Variants in SLC24A4 observed in about 807,000 individuals in gnomAD.
SLC24A4 encodes sodium/potassium/calcium exchanger 4.
SLC24A4 carries 53 observed loss-of-function variants against 79.0 expected under a neutral mutation model. That is an observed-to-expected ratio of 0.67 (90% CI 0.54 to 0.84). The LOEUF (loss-of-function observed/expected upper bound fraction) is 0.84. SLC24A4 is among the 40% of genes least tolerant of loss of function. SLC24A4 has a pLI of 0.00. For missense variants in SLC24A4, 731 were observed against 822.0 expected (o/e 0.89, Z 1.35); for synonymous variants, 323 against 323.8 (o/e 1.00, Z 0.03).
At position 92,433,937 on chromosome 14, in the gene SLC24A4, G is replaced by A; in HGVS notation, c.267G>A (p.Leu89=). Residue 89 remains leucine (L), a synonymous_variant, in exon 3 of 17, where the codon CTG becomes CTA. Coordinates refer to ENST00000532405, the MANE Select transcript of SLC24A4 (RefSeq NM_153646.4). Reference sequence around the variant, plus strand: ...CGATTCACGAGTTCCCCACAGATCTGTTCTCCAATAAGGAGCGACAGCACG... The same window carrying A: ...CGATTCACGAGTTCCCCACAGATCTATTCTCCAATAAGGAGCGACAGCACG... ...DPAIHEFPTD[L]FSNKERQHGA... 6.2e-7 allele frequency: 1 copy of A among 1,614,172 alleles called. No homozygotes were observed. Among genetic ancestry groups the A allele is most frequent in the Admixed American group, 1.7e-5 (1 of 60,034 alleles).
chr14:92,395,452 C>CACACAG (rs1555365416), intron 2 of SLC24A4, among the ~76,000 whole-genome samples: 8 of 151,952 alleles, frequency 5.3e-5, no homozygotes, highest in Admixed American at 1.3e-4. Flanking sequence ...CACACACACA[C>CACACAG]ACACACACAC....
At chr14:92,476,740 A>G (rs1429442503) in intron 12 of SLC24A4, among the ~76,000 whole-genome samples, 1 of 152,146 alleles carries the variant, frequency 6.6e-6, no homozygotes, top group Non-Finnish European at 1.5e-5. Flanking sequence ...GGCAACCACT[A>G]ATCTACTTTC....
intron 1 of SLC24A4, among the ~76,000 whole-genome samples, chr14:92,324,291 C>T (rs920156399): frequency 6.6e-6 from 1 of 152,232 alleles, no homozygotes; most frequent in Non-Finnish European, 1.5e-5. Context: ...AGGCAGGATT[C>T]TCTTGGTCTG....
rs201664039 is a variant in SLC24A4, at chr14:92,379,066, AT to A, written c.241+53089del. On this transcript the variant is annotated intron_variant, in intron 2 of 16. Coordinates refer to ENST00000532405, the MANE Select transcript of SLC24A4 (RefSeq NM_153646.4). ...AACAGTGGGAGACCCTGCCTCTAAAATCAATAAATAGCTAGCTAGCTAGCTA... is the reference window on the plus strand; with the variant it reads ...AACAGTGGGAGACCCTGCCTCTAAAACAATAAATAGCTAGCTAGCTAGCTA... Among the ~76,000 whole-genome samples, 997 of 152,278 alleles carry A rather than the reference AT, an allele frequency of 6.5e-3. 13 individuals carry two copies. The highest frequency in any genetic ancestry group is 0.022 in the African/African-American group (933 of 41,538).
In SLC24A4 at chr14:92,398,415, G is replaced by T. The variant is rs150611544; in HGVS notation, c.242-35497G>T. 7.9e-4 allele frequency among the ~76,000 whole-genome samples: 121 copies of T among 152,340 alleles called. No individual in the cohort carries two copies. The highest frequency in any genetic ancestry group is 1.5e-3 in the Non-Finnish European group (105 of 68,034). On this transcript the variant is annotated intron_variant, in intron 2 of 16. Coordinates refer to ENST00000532405, the MANE Select transcript of SLC24A4 (RefSeq NM_153646.4). The surrounding 1 kb of genome is among the most constrained non-coding windows in gnomAD (Gnocchi z 4.1). ...CAGAGTGTTGGAGAAGTGGGCATGG[G>T]AGAACCGTTTGAGAGGAAGAATGGG...
intron 2 of SLC24A4, among the ~76,000 whole-genome samples, chr14:92,375,570 A>T (rs1033481826): frequency 1.3e-5 from 2 of 152,266 alleles, no homozygotes; most frequent in African/African-American, 4.8e-5. Context: ...CTATCAGCTG[A>T]TGAATGGATA....
In SLC24A4 at chr14:92,323,822, C is replaced by T. The variant is rs1039739122; in HGVS notation, c.-9C>T. ...TCCTCTCCCAGAGACGGCACCCAGG[C>T]GCTCCGGGATGGCGCTCCGCGGGAC... On this transcript the variant is annotated 5_prime_UTR_variant, in exon 1 of 17. Transcript: ENST00000532405. This position sits in a 1 kb window ranked among gnomAD's most constrained non-coding sequence, Gnocchi z 4.9. 1.3e-6 allele frequency: 2 copies of T among 1,562,206 alleles called. No homozygotes were observed. The highest frequency in any genetic ancestry group is 8.6e-7 in the Non-Finnish European group (1 of 1,161,268).
intron 2 of SLC24A4, among the ~76,000 whole-genome samples, chr14:92,336,488 G>A (rs376760707): frequency 7.9e-5 from 12 of 152,310 alleles, no homozygotes; most frequent in East Asian, 3.9e-4. Flanking sequence ...ACGCATGGCC[G>A]CCTGGTTTCT....
intron 2 of SLC24A4, among the ~76,000 whole-genome samples, chr14:92,335,336 TTTTTTGTTTTTGTTTTTG>T (rs57448091): frequency 6.6e-6 from 1 of 151,142 alleles, no homozygotes; most frequent in Non-Finnish European, 1.5e-5. Flanking sequence ...CATGCCATGT[TTTTTTGTTTTTGTTTTTG>T]TTTTTGTTTT....
At chr14:92,395,469 A>ACACACACACACACACACACAC (rs1889720144) in intron 2 of SLC24A4, among the ~76,000 whole-genome samples, 1 of 151,168 alleles carries the variant, frequency 6.6e-6, no homozygotes, top group African/African-American at 2.4e-5. Context: ...ACACACACGA[A>ACACACACACACACACACACAC]ACTATCCCCC....
chr14:92,362,926 G>A (rs1199141961), intron 2 of SLC24A4, among the ~76,000 whole-genome samples: 1 of 152,238 alleles, frequency 6.6e-6, no homozygotes, highest in Non-Finnish European at 1.5e-5. Flanking sequence ...ACGCCATGCC[G>A]GCAGGTGGCA....
chr14:92,359,573 C>T (rs1014165524), intron 2 of SLC24A4, among the ~76,000 whole-genome samples: 3 of 151,772 alleles, frequency 2.0e-5, no homozygotes, highest in Non-Finnish European at 4.4e-5. Context: ...CACTCCCACC[C>T]GGGGGACTGT....
rs779007741 is a variant in SLC24A4 at position 92,474,843 on chromosome 14, G to GTGTGTATATATATATA, written c.1256-7836_1256-7835insGTGTATATATATATAT. ...TATACATATATATGTGTGTGTGTGTGTATATATATATATATATATATTTTT... is the reference window on the plus strand; with the variant it reads ...TATACATATATATGTGTGTGTGTGTGTGTGTATATATATATATATATATATATATATATATATTTTT... On this transcript the variant is annotated intron_variant, in intron 12 of 16. Coordinates refer to ENST00000532405, the MANE Select transcript of SLC24A4 (RefSeq NM_153646.4). 2.1e-4 allele frequency among the ~76,000 whole-genome samples: 5 copies of GTGTGTATATATATATA among 23,886 alleles called. No individual in the cohort carries two copies. In the East Asian group the frequency reaches 2.7e-3, roughly 13 times the overall value. 15.7% of individuals were successfully genotyped at this position (23,886 alleles called of 152,430 possible).
At chr14:92,359,774 C>G (rs748276153) in intron 2 of SLC24A4, among the ~76,000 whole-genome samples, 4 of 152,234 alleles carry the variant, frequency 2.6e-5, no homozygotes, top group Non-Finnish European at 4.4e-5. Flanking sequence ...AATCACACCC[C>G]TCCGCTTCCC....
chr14:92,484,305 C>A (rs1895239761), intron 13 of SLC24A4: 1 of 985,300 alleles, frequency 1.0e-6, no homozygotes, highest in Admixed American at 6.2e-5. Flanking sequence ...GATCAGAGAC[C>A]TGCCGCAACC....
chr14:92,456,098 A>G (rs10137770), intron 11 of SLC24A4, among the ~76,000 whole-genome samples: 62,606 of 152,146 alleles, frequency 0.41, 13,347 homozygotes, highest in African/African-American at 0.5. Context: ...TGTGAACGTC[A>G]CCAGGGAGAG....
At chr14:92,427,067 G>A (rs1416822864) in intron 2 of SLC24A4, among the ~76,000 whole-genome samples, 5 of 152,164 alleles carry the variant, frequency 3.3e-5, no homozygotes, top group Non-Finnish European at 7.3e-5. Flanking sequence ...TAAGAACAAC[G>A]AGCAGCTCAC....
At chr14:92,442,047 C>T in intron 4 of SLC24A4, 42 bp from the exon 5 acceptor site, 1 of 1,517,584 alleles carries the variant, frequency 6.6e-7, no homozygotes, top group Non-Finnish European at 9.1e-7. Flanking sequence ...GTCCAGTACC[C>T]CCACGTCACA....
In SLC24A4 at chr14:92,433,927, C is replaced by G. The variant is rs1464076265; in HGVS notation, c.257C>G (p.Pro86Arg). ...NCTDPAIHEFPTDLFSNKERQ... is the reference protein window; with the variant it reads ...NCTDPAIHEFRTDLFSNKERQ... ...TGTCTTCCAGCGATTCACGAGTTCCCCACAGATCTGTTCTCCAATAAGGAG... is the reference window on the plus strand; with the variant it reads ...TGTCTTCCAGCGATTCACGAGTTCCGCACAGATCTGTTCTCCAATAAGGAG... Residue 86 changes from proline (P) to arginine (R), a missense_variant, in exon 3 of 17, where the codon CCC becomes CGC. By Grantham distance (103) the Pro-to-Arg change is moderately radical. Transcript: ENST00000532405. 33 of 1,614,164 alleles carry G rather than the reference C, an allele frequency of 2.0e-5. No homozygotes were observed. Among genetic ancestry groups the G allele is most frequent in the Non-Finnish European group, 2.8e-5 (33 of 1,180,000 alleles).
Sources: gnomAD v4.1 joint callset for allele counts (sites outside exome capture counted in the v4.1 genomes callset) on GRCh38, gnomAD v4.1.1 for gene constraint, Gnocchi (gnomAD v3.1) non-coding constraint, MANE v1.5 for transcripts, NCBI Gene and HGNC (gene_info 2026-07-23, HGNC 2026-07-21) for gene names.